Variants in POLR2J observed in about 807,000 individuals in gnomAD.
The protein encoded by POLR2J is RNA polymerase II subunit J.
Under a neutral mutation model 13.4 loss-of-function variants are expected in POLR2J, and 12 were observed. That is an observed-to-expected ratio of 0.90 (90% CI 0.57 to 1.45). The LOEUF (loss-of-function observed/expected upper bound fraction) is 1.45, where lower values mean the gene tolerates loss of function less well. POLR2J is among the 40% of genes most tolerant of loss of function. The pLI is 0.00. For missense variants in POLR2J, 58 were observed against 132.0 expected (o/e 0.44, Z 2.75); for synonymous variants, 31 against 53.6 (o/e 0.58, Z 1.84).
chr7:102,478,776 C>G (rs745704367), intron 1 of POLR2J, 32 bp downstream of exon 1: 60 of 1,609,372 alleles, frequency 3.7e-5, no homozygotes, highest in Admixed American at 3.3e-4. Context: ...CAGGCCCGCG[C>G]ACCTCGGCCC....
At chr7:102,476,490 ATT>A (rs1414447001) in intron 1 of POLR2J, among the ~76,000 whole-genome samples, 1 of 150,212 alleles carries the variant, frequency 6.7e-6, no homozygotes, top group African/African-American at 2.5e-5. Flanking sequence ...GAAAAAAAAA[ATT>A]AGCTGAGTGT....
rs757773913 is a variant in POLR2J, at chr7:102,474,562, G to A, written c.144-27C>T. On this transcript the variant is annotated intron_variant, in intron 2 of 3. Coordinates refer to ENST00000292614, the MANE Select transcript of POLR2J (RefSeq NM_006234.6). Reference sequence around the variant, plus strand: ...TGAGGTCAGGGACAGACAGTGTGAGGGTCTAGCCTCATGCCCAAGCTGGGT... The same window carrying A: ...TGAGGTCAGGGACAGACAGTGTGAGAGTCTAGCCTCATGCCCAAGCTGGGT... 24 of 1,259,024 alleles carry A rather than the reference G, an allele frequency of 1.9e-5. 7 individuals are homozygous for A. The South Asian group carries it at 2.3e-4, about 12-fold the overall frequency. 78.0% of individuals were successfully genotyped at this position (1,259,024 alleles called of 1,614,324 possible).
At chr7:102,474,048 C>T in intron 3 of POLR2J, 1 of 1,448,780 alleles carries the variant, frequency 6.9e-7, no homozygotes, top group South Asian at 1.5e-5. Flanking sequence ...AGGACCAGGC[C>T]TTGCCAATCA....
At position 102,473,565 on chromosome 7, in the gene POLR2J, C is replaced by A. The variant is rs1554580838; in HGVS notation, c.*84G>T. ...GGCGGGCCATGGCTGGGACCGGCCGCTCTCCTCGGTGTGGTACCTGGAGCG... is the reference window on the plus strand; with the variant it reads ...GGCGGGCCATGGCTGGGACCGGCCGATCTCCTCGGTGTGGTACCTGGAGCG... On this transcript the variant is annotated 3_prime_UTR_variant, in exon 4 of 4. Transcript: ENST00000292614. 1.3e-6 allele frequency: 2 copies of A among 1,583,144 alleles called. No individual in the cohort carries two copies. Among genetic ancestry groups the A allele is most frequent in the Non-Finnish European group, 8.6e-7 (1 of 1,165,270 alleles).
At chr7:102,476,902 G>C (rs2133286056) in intron 1 of POLR2J, among the ~76,000 whole-genome samples, 1 of 53,746 alleles carries the variant, frequency 1.9e-5, no homozygotes, top group South Asian at 6.1e-4. Context: ...TGTGATCATA[G>C]CTCACTGTAG....
At chr7:102,477,149 A>C (rs1320995099) in intron 1 of POLR2J, among the ~76,000 whole-genome samples, 1 of 109,114 alleles carries the variant, frequency 9.2e-6, no homozygotes. Context: ...CCATTCCCCA[A>C]AACAAGTCAT....
At chr7:102,478,786 C>T in intron 1 of POLR2J, 22 bp downstream of exon 1, 5 of 1,610,276 alleles carry the variant, frequency 3.1e-6, no homozygotes, top group Non-Finnish European at 4.2e-6. Flanking sequence ...CACCTCGGCC[C>T]GCCGCAGCCG....
chr7:102,478,116 TG>T lies in POLR2J; in HGVS notation c.53+691del, dbSNP rs537983183. On this transcript the variant is annotated intron_variant, in intron 1 of 3. Transcript: ENST00000292614. ...CTCCTGCCTCAGCCTTCTGAGTAGCTGGGATTACAGGCATCTGCCACCACGC... is the reference window on the plus strand; with the variant it reads ...CTCCTGCCTCAGCCTTCTGAGTAGCTGGATTACAGGCATCTGCCACCACGC... 1.3e-3 allele frequency among the ~76,000 whole-genome samples: 106 copies of T among 78,786 alleles called. 2 individuals are homozygous for T. The highest frequency in any genetic ancestry group is 4.0e-3 in the African/African-American group (96 of 23,754). The allele number at this position is 78,786 out of a possible 152,430, so 51.7% of individuals were successfully genotyped here. A position where few individuals can be genotyped will look rare whatever the true frequency, so the allele number is the denominator to read the frequency against.
Position 102,473,647 on chromosome 7 carries a change from C to T in POLR2J, c.*2G>A, listed in dbSNP as rs747484109. ...CAGGCCGAGCAGAGCCCCCTCTGGC[C>T]CCTACTCAATTCCTTCCTGCTTGTC... On this transcript the variant is annotated 3_prime_UTR_variant, in exon 4 of 4. Transcript: ENST00000292614. 13 of 1,601,676 alleles carry T rather than the reference C, an allele frequency of 8.1e-6. No individual in the cohort carries two copies. The Admixed American group carries it at 2.0e-4, about 25-fold the overall frequency.
At chr7:102,478,024 C>G (rs1304323395) in intron 1 of POLR2J, among the ~76,000 whole-genome samples, 5 of 106,758 alleles carry the variant, frequency 4.7e-5, no homozygotes, top group African/African-American at 1.7e-4. Flanking sequence ...GCTCTTGTTG[C>G]TCAGGCTGGA....
rs556405928 is a variant in POLR2J at position 102,475,961 on chromosome 7, G to A, written c.143+220C>T. On this transcript the variant is annotated intron_variant, in intron 2 of 3. Transcript: ENST00000292614. The stretch of plus-strand genomic sequence containing the variant: ...ACAAACAGTGAATGTAAATGCACAT[G>A]TTCATCTACAGAATAAGCCACTACA... 5.8e-4 allele frequency among the ~76,000 whole-genome samples: 71 copies of A among 123,414 alleles called. 4 individuals are homozygous for A. The highest frequency in any genetic ancestry group is 1.8e-3 in the African/African-American group (66 of 37,410). The allele number at this position is 123,414 out of a possible 152,430, so 81.0% of individuals were successfully genotyped here. A position where few individuals can be genotyped will look rare whatever the true frequency, so the allele number is the denominator to read the frequency against.
At chr7:102,473,731 A>G (rs942880365) in intron 3 of POLR2J, 47 bp from the exon 4 acceptor site, 1 of 1,612,494 alleles carries the variant, frequency 6.2e-7, no homozygotes, top group African/African-American at 1.3e-5. Flanking sequence ...CAGCTGGGGC[A>G]AGGACGCTGG....
chr7:102,473,524 T>C lies in POLR2J; in HGVS notation c.*125A>G. On this transcript the variant is annotated 3_prime_UTR_variant, in exon 4 of 4. Transcript: ENST00000292614. ...TGTACAGGACACGTCGGTGTCAGGGTGAGGGGTGGCCACAAGGCGGGCCAT... is the reference window on the plus strand; with the variant it reads ...TGTACAGGACACGTCGGTGTCAGGGCGAGGGGTGGCCACAAGGCGGGCCAT... The C allele has an allele frequency of 2.1e-6, 3 of 1,437,822 alleles. No homozygotes were observed. Among genetic ancestry groups the C allele is most frequent in the Admixed American group, 2.2e-5 (1 of 46,400 alleles). The allele number at this position is 1,437,822 out of a possible 1,614,324, so 89.1% of individuals were successfully genotyped here. A position where few individuals can be genotyped will look rare whatever the true frequency, so the allele number is the denominator to read the frequency against.
In POLR2J at chr7:102,473,505, G is replaced by GTACAC; in HGVS notation, c.*143_*144insGTGTA. 1 of 1,025,130 alleles carries GTACAC rather than the reference G, an allele frequency of 9.8e-7. No individual in the cohort carries two copies. Among genetic ancestry groups the GTACAC allele is most frequent in the South Asian group, 1.9e-5 (1 of 53,786 alleles). 63.5% of individuals were successfully genotyped at this position (1,025,130 alleles called of 1,614,324 possible). A position where few individuals can be genotyped will look rare whatever the true frequency, so the allele number is the denominator to read the frequency against. ...GAATATAAAACCTAATCTATGTACA[G>GTACAC]GACACGTCGGTGTCAGGGTGAGGGG... On this transcript the variant is annotated 3_prime_UTR_variant, in exon 4 of 4. Coordinates refer to ENST00000292614, the MANE Select transcript of POLR2J (RefSeq NM_006234.6).
chr7:102,474,013 G>A (rs1164959226), intron 3 of POLR2J: 3 of 1,439,062 alleles, frequency 2.1e-6, no homozygotes. Flanking sequence ...CCACCCGGGG[G>A]TGAGCTGCCT....
intron 3 of POLR2J, chr7:102,474,130 A>C: frequency 2.0e-6 from 3 of 1,503,436 alleles, no homozygotes; most frequent in South Asian, 2.6e-5. Context: ...ACAGCACCCG[A>C]GGGACCCTGC....
chr7:102,474,959 C>T (rs1476433876), intron 2 of POLR2J, among the ~76,000 whole-genome samples: 7 of 149,438 alleles, frequency 4.7e-5, no homozygotes, highest in African/African-American at 9.7e-5. Flanking sequence ...CTCTGCCCTC[C>T]GAGCAGCACA....
intron 3 of POLR2J, chr7:102,473,939 C>T: frequency 4.2e-6 from 6 of 1,434,756 alleles, no homozygotes; most frequent in Non-Finnish European, 5.5e-6. Context: ...ATCCCCCAAG[C>T]TGTGGCTCTT....
In POLR2J at chr7:102,473,535, C is replaced by CA. The variant is rs145098202; in HGVS notation, c.*113dup. The CA allele has an allele frequency of 5.6e-5, 85 of 1,508,806 alleles. No homozygotes were observed. The highest frequency in any genetic ancestry group is 1.4e-4 in the South Asian group (11 of 79,468). The allele number at this position is 1,508,806 out of a possible 1,614,324, so 93.5% of individuals were successfully genotyped here. ...CGTCGGTGTCAGGGTGAGGGGTGGC[C>CA]ACAAGGCGGGCCATGGCTGGGACCG... On this transcript the variant is annotated 3_prime_UTR_variant, in exon 4 of 4. Coordinates refer to ENST00000292614, the MANE Select transcript of POLR2J (RefSeq NM_006234.6).
Sources: allele counts gnomAD v4.1 joint callset (sites outside exome capture counted in the v4.1 genomes callset), GRCh38; gene constraint gnomAD v4.1.1; transcripts MANE v1.5; gene names NCBI Gene and HGNC (gene_info 2026-07-23, HGNC 2026-07-21).